The following MGAT4C variants were observed in gnomAD, a reference collection of about 807,000 sequenced individuals.
MGAT4C encodes the protein alpha-1,3-mannosyl-glycoprotein 4-beta-N-acetylglucosaminyltransferase C.
In MGAT4C, 19 loss-of-function variants were observed where a neutral mutation model predicts 40.1. The ratio of observed to expected loss-of-function variants is 0.47; its 90% CI spans 0.33 to 0.70. The LOEUF (loss-of-function observed/expected upper bound fraction) is 0.70. Among genes scored for constraint, MGAT4C ranks in the 30% least tolerant of loss-of-function variants. MGAT4C has a pLI of 0.02. For synonymous variants in MGAT4C, 181 were observed against 187.1 expected (o/e 0.97, Z 0.27); for missense variants, 491 against 563.2 (o/e 0.87, Z 1.30).
At chr12:86,717,097 T>C (rs532241624) in intron 2 of MGAT4C, among the ~76,000 whole-genome samples, 79 of 152,046 alleles carry the variant, frequency 5.2e-4, no homozygotes, top group Admixed American at 9.2e-4. Context: ...TGTGCTCTTT[T>C]TTTGGCCAAA....
chr12:86,755,256 G>A (rs899842730), intron 1 of MGAT4C, among the ~76,000 whole-genome samples: 1 of 152,118 alleles, frequency 6.6e-6, no homozygotes, highest in Admixed American at 6.5e-5. Flanking sequence ...TCTGCTGAAT[G>A]GCTTGCCTCA....
intron 1 of MGAT4C, among the ~76,000 whole-genome samples, chr12:86,237,022 A>G (rs536536656): frequency 1.6e-3 from 237 of 150,740 alleles, no homozygotes; most frequent in African/African-American, 5.3e-3. Flanking sequence ...ATATATATAT[A>G]TGTGTATTCC....
chr12:86,312,355 A>G (rs1954100960), intron 4 of MGAT4C, among the ~76,000 whole-genome samples: 1 of 152,222 alleles, frequency 6.6e-6, no homozygotes, highest in African/African-American at 2.4e-5. Context: ...GTGAAGAGAA[A>G]ATGCCAGCAT....
chr12:86,624,790 G>GA lies in MGAT4C; in HGVS notation c.-229+102418dup, dbSNP rs1424534219. Among the ~76,000 whole-genome samples, 10 of 152,112 alleles carry GA rather than the reference G, an allele frequency of 6.6e-5. No homozygotes were observed. The East Asian group carries it at 1.2e-3, about 18-fold the overall frequency. ...GAGAAAGGTATGGTCTATGTATGGGGAAAAAAGCACTCAATAAAAGTTGTC... is the reference window on the plus strand; with the variant it reads ...GAGAAAGGTATGGTCTATGTATGGGGAAAAAAAGCACTCAATAAAAGTTGTC... On this transcript the variant is annotated intron_variant, in intron 2 of 7. Transcript: ENST00000548651.
In MGAT4C at chr12:85,963,596, G is replaced by C. The variant is rs1365825515; in HGVS notation, c.*15693C>G. ...AATCTTTGTGGCTGAGAAACCATGA[G>C]ATTTCATTCTGGCATGTCCCCAGAA... On this transcript the variant is annotated 3_prime_UTR_variant, in exon 5 of 5. Coordinates refer to ENST00000611864, the MANE Select transcript of MGAT4C (RefSeq NM_001351288.2). 1 of 151,878 alleles carries C rather than the reference G, an allele frequency of 6.6e-6. No homozygotes were observed. The highest frequency in any genetic ancestry group is 2.4e-5 in the African/African-American group (1 of 41,386). The allele number at this position is 151,878 out of a possible 1,614,324, so 9.4% of individuals were successfully genotyped here. A position where few individuals can be genotyped will look rare whatever the true frequency, so the allele number is the denominator to read the frequency against.
chr12:86,825,797 G>A (rs1952794977), intron 1 of MGAT4C, among the ~76,000 whole-genome samples: 1 of 151,316 alleles, frequency 6.6e-6, no homozygotes, highest in African/African-American at 2.4e-5. Context: ...AGTGCCCCTT[G>A]GCTGATGCAA....
chr12:86,774,333 T>TTCTTTCTTTCTTTC (rs1235833661), intron 1 of MGAT4C, among the ~76,000 whole-genome samples: 1 of 108,530 alleles, frequency 9.2e-6, no homozygotes, highest in African/African-American at 3.4e-5. Context: ...CTTTCTTTCT[T>TTCTTTCTTTCTTTC]TCTTTCTGTC....
In MGAT4C at chr12:85,960,522, A is replaced by G. The variant is rs1331520602; in HGVS notation, c.*18767T>C. The G allele has an allele frequency of 6.6e-6, 1 of 152,012 alleles. No homozygotes were observed. Among genetic ancestry groups the G allele is most frequent in the African/African-American group, 2.4e-5 (1 of 41,448 alleles). 9.4% of individuals were successfully genotyped at this position (152,012 alleles called of 1,614,324 possible). A position where few individuals can be genotyped will look rare whatever the true frequency, so the allele number is the denominator to read the frequency against. ...TGACATGCTCTCAGCAAATCAATTA[A>G]TCCTTCATTCTTTTTTTCTCCCCTT... On this transcript the variant is annotated 3_prime_UTR_variant, in exon 5 of 5. Transcript: ENST00000611864.
intron 2 of MGAT4C, among the ~76,000 whole-genome samples, chr12:86,444,723 AG>A (rs1957302420): frequency 6.6e-6 from 1 of 152,230 alleles, no homozygotes; most frequent in Admixed American, 6.5e-5. Flanking sequence ...CATAACATAA[AG>A]TTTACCATAG....
chr12:86,408,479 C>CTCTATATA (rs1267344319), intron 3 of MGAT4C, among the ~76,000 whole-genome samples: 62 of 63,330 alleles, frequency 9.8e-4, no homozygotes, highest in African/African-American at 1.4e-3. Context: ...CTCTCTCTCT[C>CTCTATATA]TATATATATA....
At chr12:86,707,414 C>T (rs1950477839) in intron 2 of MGAT4C, among the ~76,000 whole-genome samples, 1 of 151,892 alleles carries the variant, frequency 6.6e-6, no homozygotes, top group Admixed American at 6.6e-5. Context: ...AAAGGTGATT[C>T]TAGTTATGTT....
intron 1 of MGAT4C, among the ~76,000 whole-genome samples, chr12:86,794,106 C>A (rs961250606): frequency 1.3e-5 from 2 of 151,540 alleles, no homozygotes; most frequent in Non-Finnish European, 3.0e-5. Flanking sequence ...GTGCATAATA[C>A]AATGATGAAT....
chr12:86,177,222 A>T (rs1421908893), intron 1 of MGAT4C, among the ~76,000 whole-genome samples: 1 of 152,180 alleles, frequency 6.6e-6, no homozygotes, highest in African/African-American at 2.4e-5. Flanking sequence ...AATGAAAAGC[A>T]ATTGGGCAGT....
chr12:86,680,063 C>A (rs1278041146), intron 2 of MGAT4C, among the ~76,000 whole-genome samples: 2 of 151,862 alleles, frequency 1.3e-5, no homozygotes, highest in Non-Finnish European at 2.9e-5. Flanking sequence ...GTGTAATTTC[C>A]TTGTGTATGT....
chr12:86,797,466 A>C (rs1013610843), intron 1 of MGAT4C, among the ~76,000 whole-genome samples: 2 of 151,902 alleles, frequency 1.3e-5, no homozygotes, highest in Non-Finnish European at 2.9e-5. Flanking sequence ...GAAAGTCAAT[A>C]ATTGCCAAAT....
intron 2 of MGAT4C, among the ~76,000 whole-genome samples, chr12:86,710,593 G>A (rs1333371638): frequency 1.3e-5 from 2 of 152,130 alleles, no homozygotes; most frequent in African/African-American, 4.8e-5. Context: ...GTGGGAATGT[G>A]TAAACTAATA....
intron 1 of MGAT4C, among the ~76,000 whole-genome samples, chr12:86,067,354 T>C (rs1687188741): frequency 6.6e-6 from 1 of 152,184 alleles, no homozygotes; most frequent in African/African-American, 2.4e-5. Flanking sequence ...GTGTCACATA[T>C]ACACTATGGA....
chr12:86,566,626 A>AT (rs1960134764), intron 2 of MGAT4C, among the ~76,000 whole-genome samples: 1 of 142,216 alleles, frequency 7.0e-6, no homozygotes, highest in African/African-American at 2.6e-5. Context: ...ATATGTATAT[A>AT]TGTATTATAT....
intron 2 of MGAT4C, among the ~76,000 whole-genome samples, chr12:86,479,948 T>G (rs930584297): frequency 6.6e-6 from 1 of 151,864 alleles, no homozygotes; most frequent in Non-Finnish European, 1.5e-5. Context: ...TATCATTAAC[T>G]TTGGAAAGAG....
Sources: allele counts gnomAD v4.1 joint callset (sites outside exome capture counted in the v4.1 genomes callset), GRCh38; gene constraint gnomAD v4.1.1; transcripts MANE v1.5; gene names NCBI Gene and HGNC (gene_info 2026-07-23, HGNC 2026-07-21).